RASA3: variants seen among roughly 807,000 people sequenced by gnomAD.
The protein encoded by RASA3 is RAS p21 protein activator 3, also known as ras GTPase-activating protein 3.
A neutral mutation model predicts 110.0 loss-of-function variants in RASA3; 73 were observed. The observed-to-expected ratio is 0.66, with a 90% confidence interval of 0.55 to 0.81. The LOEUF is 0.81. Among genes scored for constraint, RASA3 ranks in the 30% least tolerant of loss-of-function variants. RASA3 has a pLI of 0.00. For missense variants in RASA3, 976 were observed against 1,113.2 expected (o/e 0.88, Z 1.75); for synonymous variants, 500 against 451.4 (o/e 1.11, Z -1.37).
Position 113,981,843 on chromosome 13 carries a change from T to C in RASA3, c.2261A>G (p.Lys754Arg). ...CTGCTCCGGGCCGTCATACACAGAT[T>C]TGCTCCCACAGGCCTCTGTGGAGGG... ...LEKMQEACGSKSVYDGPEQEE... is the reference protein window; with the variant it reads ...LEKMQEACGSRSVYDGPEQEE... The change falls in exon 23 of 24, where the codon AAA becomes AGA. Residue 754 changes from lysine to arginine, a missense_variant. Lys to Arg is a conservative substitution (Grantham distance 26). This residue lies in a region of RASA3 where 132 missense variants were observed against 152.8 expected (regional missense o/e 0.86). Transcript: ENST00000334062. The C allele has an allele frequency of 6.2e-7, 1 of 1,613,728 alleles. No homozygotes were observed. The highest frequency in any genetic ancestry group is 2.2e-5 in the East Asian group (1 of 44,872).
chr13:113,996,397 G>T lies in RASA3; in HGVS notation c.2141+134C>A, dbSNP rs977263279. On this transcript the variant is annotated intron_variant, in intron 21 of 23. Coordinates refer to ENST00000334062, the MANE Select transcript of RASA3 (RefSeq NM_007368.4). ...GGACCCCTCGGGTGGGAGGCTCCTG[G>T]GAGGAGGCGAGGGCAGCCCTGTTTA... The T allele has an allele frequency of 4.3e-6, 4 of 920,520 alleles. No homozygotes were observed. The African/African-American group carries it at 6.7e-5, about 15-fold the overall frequency. 57.0% of individuals were successfully genotyped at this position (920,520 alleles called of 1,614,324 possible).
At chr13:114,003,899 A>T (rs1228793921) in intron 18 of RASA3, among the ~76,000 whole-genome samples, 4 of 152,224 alleles carry the variant, frequency 2.6e-5, no homozygotes, top group Non-Finnish European at 5.9e-5. Flanking sequence ...GCGTCTCTTT[A>T]TTCTGTGTGT....
chr13:113,990,734 T>C (rs1236308488), intron 22 of RASA3, among the ~76,000 whole-genome samples: 1 of 152,226 alleles, frequency 6.6e-6, no homozygotes, highest in African/African-American at 2.4e-5. Flanking sequence ...TGTGCATGCC[T>C]GCACATGGGC....
chr13:114,015,430 G>C, intron 13 of RASA3, 98 bp from the exon 14 acceptor site: 4 of 1,499,458 alleles, frequency 2.7e-6, no homozygotes, highest in South Asian at 1.2e-5. Flanking sequence ...GGGAGGGGCT[G>C]AGGGCGGGCG....
At chr13:114,062,316 A>AG (rs141510506) in intron 2 of RASA3, among the ~76,000 whole-genome samples, 2,297 of 152,018 alleles carry the variant, frequency 0.015, 135 homozygotes, top group Admixed American at 0.1. Flanking sequence ...AAATTCATTG[A>AG]GGGGGGGCTC....
chr13:114,018,665 G>A (rs1035917067), intron 10 of RASA3, 98 bp downstream of exon 10: 24 of 1,452,022 alleles, frequency 1.7e-5, no homozygotes, highest in Non-Finnish European at 2.2e-5. Context: ...GCCCCCTCAG[G>A]GAGAAGGTGC....
chr13:113,995,688 G>T (rs61967991), intron 21 of RASA3, among the ~76,000 whole-genome samples: 1 of 98,900 alleles, frequency 1.0e-5, no homozygotes, highest in African/African-American at 3.8e-5. Context: ...ATGGGGGCCC[G>T]GCTGATGGGG....
chr13:114,062,405 C>A (rs979445771), intron 2 of RASA3, among the ~76,000 whole-genome samples: 5 of 152,076 alleles, frequency 3.3e-5, no homozygotes, highest in Admixed American at 2.0e-4. Context: ...GGTGGAGATG[C>A]GAATCCAAAC....
chr13:114,062,206 T>TA (rs2139617296), intron 2 of RASA3, among the ~76,000 whole-genome samples: 1 of 151,946 alleles, frequency 6.6e-6, no homozygotes, highest in Admixed American at 6.5e-5. Flanking sequence ...TTTACTTACT[T>TA]ATGATTTTAA....
chr13:114,024,317 A>C lies in RASA3; in HGVS notation c.642T>G (p.Phe214Leu), dbSNP rs1014015460. Residue 214 changes from phenylalanine (F) to leucine (L), a missense_variant, in exon 8 of 24, where the codon TTT becomes TTG. By Grantham distance (22) the Phe-to-Leu change is conservative (BLOSUM62 0). Transcript: ENST00000334062. ...RPCSYSKKSH[F>L]DFEEEDVDKL... ...TGTCCACGTCTTCCTCCTCAAAGTC[A>C]AAGTGGGACTTCTTGCTGTAGCTAC... The C allele has an allele frequency of 6.2e-7, 1 of 1,613,988 alleles. No homozygotes were observed. The highest frequency in any genetic ancestry group is 1.3e-5 in the African/African-American group (1 of 75,060).
At chr13:114,060,926 GC>G (rs1204391844) in intron 2 of RASA3, among the ~76,000 whole-genome samples, 1 of 150,868 alleles carries the variant, frequency 6.6e-6, no homozygotes, top group Non-Finnish European at 1.5e-5. Flanking sequence ...GGCAGACGGA[GC>G]CCCCACAGCC....
chr13:113,984,289 C>A (rs1457104824), intron 22 of RASA3, among the ~76,000 whole-genome samples: 1 of 124,320 alleles, frequency 8.0e-6, no homozygotes. Context: ...TCCCTCGGTC[C>A]ATCCACCCAT....
chr13:114,099,509 T>C (rs2079994773), intron 1 of RASA3, among the ~76,000 whole-genome samples: 1 of 151,618 alleles, frequency 6.6e-6, no homozygotes, highest in Non-Finnish European at 1.5e-5. Context: ...TTCTCAGACC[T>C]GTGTTCACAC....
intron 2 of RASA3, among the ~76,000 whole-genome samples, chr13:114,067,209 C>T (rs2079472086): frequency 6.9e-6 from 1 of 145,166 alleles, no homozygotes; most frequent in South Asian, 2.3e-4. Flanking sequence ...GGGCCCCCCA[C>T]CTGGGGCACT....
At chr13:114,016,156 A>G (rs1214430604) in intron 13 of RASA3, 41 bp downstream of exon 13, 2 of 1,516,824 alleles carry the variant, frequency 1.3e-6, no homozygotes, top group Non-Finnish European at 1.8e-6. Context: ...AAAAACCCCA[A>G]GCAGGTGACT....
intron 1 of RASA3, among the ~76,000 whole-genome samples, chr13:114,075,067 G>A (rs541060034): frequency 1.3e-5 from 2 of 152,186 alleles, no homozygotes; most frequent in Admixed American, 6.5e-5. Flanking sequence ...GCGTCTCCAC[G>A]ACGCAGGATG....
chr13:114,131,787 T>C (rs575496432), intron 1 of RASA3, among the ~76,000 whole-genome samples: 3 of 140,308 alleles, frequency 2.1e-5, no homozygotes, highest in South Asian at 2.3e-4. Flanking sequence ...CACACATGCA[T>C]CCACACACAA....
At chr13:114,036,292 C>T (rs1235721461) in intron 4 of RASA3, 2 of 152,246 alleles carry the variant, frequency 1.3e-5, no homozygotes, top group African/African-American at 2.4e-5. Context: ...CAACAGTGGC[C>T]GTTCCAGAAG....
At position 114,065,732 on chromosome 13, in the gene RASA3, G is replaced by A. The variant is rs1352949565; in HGVS notation, c.173+7988C>T. On this transcript the variant is annotated intron_variant, in intron 2 of 23. Coordinates refer to ENST00000334062, the MANE Select transcript of RASA3 (RefSeq NM_007368.4). The surrounding 1 kb of genome is among the most constrained non-coding windows in gnomAD (Gnocchi z 4.1). The stretch of plus-strand genomic sequence containing the variant: ...GGTCACACAGCCCTGGCTCCCAGAG[G>A]TCAGAGGCTGGAGGGCAGGGGTCCG... 2.0e-5 allele frequency among the ~76,000 whole-genome samples: 3 copies of A among 151,864 alleles called. No individual in the cohort carries two copies. Among genetic ancestry groups the A allele is most frequent in the Non-Finnish European group, 2.9e-5 (2 of 67,938 alleles).
Sources: gnomAD v4.1 joint callset for allele counts (sites outside exome capture counted in the v4.1 genomes callset) on GRCh38, gnomAD v4.1.1 for gene constraint, gnomAD v4.1.1 regional missense constraint, Gnocchi (gnomAD v3.1) non-coding constraint, MANE v1.5 for transcripts, NCBI Gene and HGNC (gene_info 2026-07-23, HGNC 2026-07-21) for gene names.